LRRC7: variants seen among roughly 807,000 people sequenced by gnomAD.
The protein encoded by LRRC7 is leucine rich repeat containing 7, also known as leucine-rich repeat-containing protein 7.
In LRRC7, 23 loss-of-function variants were observed where a neutral mutation model predicts 175.7. The observed-to-expected ratio is 0.13, with a 90% CI of 0.09 to 0.19. The LOEUF is 0.19. Ranked by LOEUF, LRRC7 falls within the 10% of genes least tolerant of loss-of-function variation. LRRC7 has a pLI of 1.00. For missense variants in LRRC7, 1,354 were observed against 1,904.7 expected, an observed-to-expected ratio of 0.71 and a Z score of 5.38; for synonymous variants, 685 against 680.9, an observed-to-expected ratio of 1.01 and a Z score of -0.09.
At chr1:69,773,722 T>A (rs1672495603) in intron 3 of LRRC7, among the ~76,000 whole-genome samples, 2 of 152,168 alleles carry the variant, frequency 1.3e-5, no homozygotes, top group African/African-American at 4.8e-5. Context: ...TTACTGATCA[T>A]CTGCTCTGTG....
intron 2 of LRRC7, among the ~76,000 whole-genome samples, chr1:69,738,647 G>A (rs964609210): frequency 1.3e-5 from 2 of 151,992 alleles, no homozygotes; most frequent in Non-Finnish European, 2.9e-5. Context: ...CTTTGAGAGA[G>A]AGAAAAAGAA....
At chr1:70,026,681 G>C in intron 17 of LRRC7, among the ~76,000 whole-genome samples, 1 of 151,554 alleles carries the variant, frequency 6.6e-6, no homozygotes, top group East Asian at 1.9e-4. Context: ...TTATTTATTT[G>C]AGAGTTTAAA....
intron 2 of LRRC7, among the ~76,000 whole-genome samples, chr1:69,735,087 A>G (rs1667970506): frequency 6.6e-6 from 1 of 152,056 alleles, no homozygotes; most frequent in African/African-American, 2.4e-5. Flanking sequence ...CTCTTTAAAT[A>G]TTTCATATTG....
intron 7 of LRRC7, among the ~76,000 whole-genome samples, chr1:69,878,244 T>C (rs1570461503): frequency 7.2e-6 from 1 of 139,004 alleles, no homozygotes; most frequent in Non-Finnish European, 1.5e-5. Context: ...CTTGGAGAAG[T>C]AAAGTCACTT....
At chr1:69,691,578 G>A (rs1326232236) in intron 2 of LRRC7, among the ~76,000 whole-genome samples, 2 of 152,008 alleles carry the variant, frequency 1.3e-5, no homozygotes, top group East Asian at 1.9e-4. Flanking sequence ...CAGGTGGATC[G>A]CTTAAGCTCA....
chr1:69,908,171 G>C lies in LRRC7; in HGVS notation c.648-23336G>C, dbSNP rs552449486. 8.1e-3 allele frequency among the ~76,000 whole-genome samples: 1,230 copies of C among 151,780 alleles called. 14 individuals carry two copies. The highest frequency in any genetic ancestry group is 0.027 in the African/African-American group (1,126 of 41,326). On this transcript the variant is annotated intron_variant, in intron 7 of 26. Coordinates refer to ENST00000651989, the MANE Select transcript of LRRC7 (RefSeq NM_001370785.2). Reference sequence around the variant, plus strand: ...CTCTCTTTTTTTCTTTATTAGTCTTGCTAGCGGTCTATCAATTTTGTTGAT... The same window carrying C: ...CTCTCTTTTTTTCTTTATTAGTCTTCCTAGCGGTCTATCAATTTTGTTGAT...
intron 11 of LRRC7, among the ~76,000 whole-genome samples, chr1:69,996,096 C>G (rs1654935190): frequency 6.6e-6 from 1 of 151,384 alleles, no homozygotes; most frequent in South Asian, 2.1e-4. Context: ...GATTGCCATT[C>G]TAACTGGTGT....
intron 8 of LRRC7, among the ~76,000 whole-genome samples, chr1:69,969,523 A>C (rs1652007937): frequency 6.6e-6 from 1 of 152,208 alleles, no homozygotes; most frequent in Admixed American, 6.5e-5. Context: ...AGTATTAAAA[A>C]AAGAGAAAGA....
chr1:69,668,228 G>A (rs566228327), intron 1 of LRRC7, among the ~76,000 whole-genome samples: 9 of 152,054 alleles, frequency 5.9e-5, no homozygotes, highest in Admixed American at 2.0e-4. Context: ...TATGTGCCAC[G>A]GTGGTTTGCT....
chr1:69,608,812 GTCTCTCTCTCTCTCTCTCTCTCTCTC>G (rs558298354), intron 1 of LRRC7, among the ~76,000 whole-genome samples: 91 of 91,640 alleles, frequency 9.9e-4, no homozygotes, highest in African/African-American at 1.2e-3. Context: ...TGCTCTGTCT[GTCTCTCTCTCTCTCTCTCTCTCTCTC>G]TCTCTCTCTC....
intron 1 of LRRC7, among the ~76,000 whole-genome samples, chr1:69,661,673 A>G (rs2100533823): frequency 6.6e-6 from 1 of 152,234 alleles, no homozygotes; most frequent in South Asian, 2.1e-4. Flanking sequence ...AAAGATAATC[A>G]CCATGGGTAG....
At chr1:69,837,293 A>G (rs1319050402) in intron 6 of LRRC7, among the ~76,000 whole-genome samples, 1 of 151,960 alleles carries the variant, frequency 6.6e-6, no homozygotes, top group African/African-American at 2.4e-5. Context: ...GAAATATGGT[A>G]TATTGCAGCA....
chr1:69,830,946 C>T (rs1680460533), intron 5 of LRRC7, among the ~76,000 whole-genome samples: 1 of 151,794 alleles, frequency 6.6e-6, no homozygotes, highest in Non-Finnish European at 1.5e-5. Context: ...AATTCTTAAA[C>T]TCTGAAACAA....
chr1:69,973,919 A>G (rs115948256), intron 8 of LRRC7, among the ~76,000 whole-genome samples: 2,130 of 152,268 alleles, frequency 0.014, 45 homozygotes, highest in African/African-American at 0.047. Flanking sequence ...TGTTTTAAAG[A>G]GAAAAAACAC....
intron 11 of LRRC7, among the ~76,000 whole-genome samples, chr1:70,004,043 G>C (rs1023299689): frequency 6.6e-6 from 1 of 152,120 alleles, no homozygotes; most frequent in Admixed American, 6.6e-5. Flanking sequence ...GAAAGCAACG[G>C]TTTCTAGTTG....
chr1:69,655,411 G>A (rs906965742), intron 1 of LRRC7, among the ~76,000 whole-genome samples: 4 of 151,910 alleles, frequency 2.6e-5, no homozygotes, highest in Non-Finnish European at 4.4e-5. Flanking sequence ...TTGTGTGCAT[G>A]TTGTATTCGC....
chr1:69,834,705 C>A, intron 5 of LRRC7, 75 bp from the exon 6 acceptor site: 1 of 1,069,416 alleles, frequency 9.4e-7, no homozygotes, highest in Non-Finnish European at 1.4e-6. Flanking sequence ...TTTTTCTCCT[C>A]AGAGATACAT....
At chr1:70,035,892 A>T (rs1009189745) in intron 18 of LRRC7, among the ~76,000 whole-genome samples, 8 of 152,162 alleles carry the variant, frequency 5.3e-5, no homozygotes, top group African/African-American at 1.9e-4. Flanking sequence ...TGCCAGGCAT[A>T]TAAACAACAT....
Position 70,016,471 on chromosome 1 carries a change from G to A in LRRC7, c.1257G>A (p.Lys419=). The part of the protein sequence containing the change: ...RVLNLSDNRL[K]NLPFSFTKLK... ...ACTTTTTGTGTTTTTGCAGATTGAA[G>A]AATTTACCATTCTCATTTACCAAAC... The change falls in exon 14 of 27, where the codon AAG becomes AAA. Residue 419 remains lysine, a synonymous_variant. Coordinates refer to ENST00000651989, the MANE Select transcript of LRRC7 (RefSeq NM_001370785.2). 1 of 1,587,390 alleles carries A rather than the reference G, an allele frequency of 6.3e-7. No individual in the cohort carries two copies. Among genetic ancestry groups the A allele is most frequent in the Non-Finnish European group, 8.6e-7 (1 of 1,168,284 alleles).
Sources: gnomAD v4.1 joint callset for allele counts (sites outside exome capture counted in the v4.1 genomes callset) on GRCh38, gnomAD v4.1.1 for gene constraint, MANE v1.5 for transcripts, NCBI Gene and HGNC (gene_info 2026-07-23, HGNC 2026-07-21) for gene names.